The following CRBN variants were observed in gnomAD, a reference collection of about 807,000 sequenced individuals.
CRBN encodes the protein cereblon, also known as protein cereblon.
A neutral mutation model predicts 62.2 loss-of-function variants in CRBN; 53 were observed. That is an observed-to-expected ratio of 0.85 (90% CI 0.68 to 1.07). The LOEUF is 1.07. CRBN is among the 50% of genes least tolerant of loss of function. CRBN has a pLI of 0.00. For synonymous variants in CRBN, 208 were observed against 176.1 expected, an observed-to-expected ratio of 1.18 and a Z score of -1.43; for missense variants, 616 against 531.1, an observed-to-expected ratio of 1.16 and a Z score of -1.57.
chr3:3,156,406 T>G, intron 5 of CRBN, 125 bp from the exon 6 acceptor site: 1 of 801,070 alleles, frequency 1.2e-6, no homozygotes, highest in East Asian at 2.6e-5. Context: ...GATAAAAAAT[T>G]TTGTAGATAA....
intron 2 of CRBN, 54 bp downstream of exon 2, chr3:3,175,109 T>C: frequency 8.3e-7 from 1 of 1,204,876 alleles, no homozygotes; most frequent in Non-Finnish European, 1.2e-6. Flanking sequence ...TATGAACTTT[T>C]ATCTACATTT....
intron 5 of CRBN, among the ~76,000 whole-genome samples, chr3:3,163,135 G>C (rs747848833): frequency 1.2e-4 from 19 of 152,182 alleles, no homozygotes; most frequent in Non-Finnish European, 2.4e-4. Context: ...GTCCAAAATA[G>C]ATCAGCTAGC....
Position 3,153,576 on chromosome 3 carries a change from A to G in CRBN, c.952-88T>C, listed in dbSNP as rs905902110. 19 of 803,638 alleles carry G rather than the reference A, an allele frequency of 2.4e-5. No homozygotes were observed. In the African/African-American group the frequency reaches 2.5e-4, roughly 11 times the overall value. 49.8% of individuals were successfully genotyped at this position (803,638 alleles called of 1,614,324 possible). On this transcript the variant is annotated intron_variant, in intron 8 of 10. Coordinates refer to ENST00000231948, the MANE Select transcript of CRBN (RefSeq NM_016302.4). ...ACATAGATCATCAAGAAACTTACTT[A>G]TAAAGATATTGCTCTCTCTGAATAT... is the stretch of plus-strand genomic sequence containing the variant.
chr3:3,165,732 A>T (rs190470687), intron 5 of CRBN, among the ~76,000 whole-genome samples: 1 of 152,292 alleles, frequency 6.6e-6, no homozygotes, highest in African/African-American at 2.4e-5. Flanking sequence ...TTATTGCAGC[A>T]GTTTGAAACT....
Position 3,162,196 on chromosome 3 carries a change from A to G in CRBN, c.687+5438T>C, listed in dbSNP as rs552224280. Among the ~76,000 whole-genome samples, 19 of 152,114 alleles carry G rather than the reference A, an allele frequency of 1.2e-4. No individual in the cohort carries two copies. The South Asian group carries it at 3.5e-3, about 28-fold the overall frequency. ...GACTTATCTTTACATTTCATACTCA[A>G]CTCTTTTCTGATTAACATAGTAAGC... On this transcript the variant is annotated intron_variant, in intron 5 of 10. Transcript: ENST00000231948.
rs1406867389 is a variant in CRBN at position 3,150,739 on chromosome 3, G to GTAATGTTATGTTTACTTAGGTAT, written c.*103_*125dup. ...TCACTTAGAAACTGCAACCCTCCAAGTAATGTTATGTTTACTTAGGTATTA... is the reference window on the plus strand; with the variant it reads ...TCACTTAGAAACTGCAACCCTCCAAGTAATGTTATGTTTACTTAGGTATTAATGTTATGTTTACTTAGGTATTA... On this transcript the variant is annotated 3_prime_UTR_variant, in exon 11 of 11. Transcript: ENST00000231948. The GTAATGTTATGTTTACTTAGGTAT allele has an allele frequency of 4.8e-5, 45 of 937,664 alleles. No individual in the cohort carries two copies. Among genetic ancestry groups the GTAATGTTATGTTTACTTAGGTAT allele is most frequent in the Non-Finnish European group, 5.6e-5 (35 of 626,674 alleles). The allele number at this position is 937,664 out of a possible 1,614,324, so 58.1% of individuals were successfully genotyped here. A position where few individuals can be genotyped will look rare whatever the true frequency, so the allele number is the denominator to read the frequency against.
At chr3:3,158,372 G>C (rs1194314009) in intron 5 of CRBN, among the ~76,000 whole-genome samples, 2 of 152,144 alleles carry the variant, frequency 1.3e-5, no homozygotes, top group East Asian at 3.9e-4. Context: ...TGGTTCGTGG[G>C]CCAGGATTTG....
intron 4 of CRBN, among the ~76,000 whole-genome samples, chr3:3,169,913 G>C (rs903194496): frequency 6.6e-6 from 1 of 151,750 alleles, no homozygotes; most frequent in Admixed American, 6.6e-5. Context: ...AAATTTCTAT[G>C]TGTTCAGAAG....
At chr3:3,160,199 G>A (rs144980457) in intron 5 of CRBN, among the ~76,000 whole-genome samples, 158 of 152,264 alleles carry the variant, frequency 1.0e-3, no homozygotes, top group African/African-American at 3.7e-3. Flanking sequence ...CAAAACATGT[G>A]AAACTCCATT....
chr3:3,152,341 TTGTC>T, intron 10 of CRBN, 111 bp downstream of exon 10: 3 of 1,168,994 alleles, frequency 2.6e-6, no homozygotes, highest in East Asian at 4.7e-5. Context: ...AATTACTCAT[TTGTC>T]TGTCTACTTT....
At chr3:3,168,531 T>TA (rs1207956276) in intron 4 of CRBN, among the ~76,000 whole-genome samples, 1 of 152,174 alleles carries the variant, frequency 6.6e-6, no homozygotes, top group Admixed American at 6.5e-5. Flanking sequence ...TTCTATCTCT[T>TA]AGAGTGTAGC....
intron 3 of CRBN, 92 bp from the exon 4 acceptor site, chr3:3,173,017 T>C: frequency 1.1e-6 from 1 of 923,624 alleles, no homozygotes; most frequent in Non-Finnish European, 1.8e-6. Flanking sequence ...GGTAAACAAT[T>C]TATAGAATCA....
In CRBN at chr3:3,172,883, C is replaced by G; in HGVS notation, c.420G>C (p.Glu140Asp). The G allele has an allele frequency of 1.2e-6, 2 of 1,613,696 alleles. No individual in the cohort carries two copies. The highest frequency in any genetic ancestry group is 1.7e-6 in the Non-Finnish European group (2 of 1,179,628). ...EREAQFGTTA[E>D]IYAYREEQDF... ...CCTGTTCTTCTCGATAGGCATATAT[C>G]TCTGCTGTTGTTCCAAACTGTGCTT... Residue 140 changes from glutamate (E) to aspartate (D), a missense_variant, in exon 4 of 11, where the codon GAG (glutamate) becomes GAC (aspartate). Transcript: ENST00000231948.
At position 3,151,055 on chromosome 3, in the gene CRBN, T is replaced by C. The variant is rs1706505742; in HGVS notation, c.1149-10A>G. On this transcript the variant is annotated splice_polypyrimidine_tract_variant and intron_variant, in intron 10 of 10. Coordinates refer to ENST00000231948, the MANE Select transcript of CRBN (RefSeq NM_016302.4). ...AACAGTCCAGGCATACCTAAGAAAT[T>C]AAGGAAAGATATCAGCTAAGGAAAC... 3.7e-6 allele frequency: 6 copies of C among 1,613,476 alleles called. No homozygotes were observed. Among genetic ancestry groups the C allele is most frequent in the Non-Finnish European group, 5.1e-6 (6 of 1,179,672 alleles).
Position 3,167,688 on chromosome 3 carries a change from T to G in CRBN, c.633A>C (p.Lys211Asn). ...SLNKCQIFPS[K>N]PVSREDQCSY... ...AACATTGGTCTTCTCTTGAGACAGGTTTTGAAGGAAATATCTGGCACTTAT... is the reference window on the plus strand; with the variant it reads ...AACATTGGTCTTCTCTTGAGACAGGGTTTGAAGGAAATATCTGGCACTTAT... The change falls in exon 5 of 11, where the codon AAA (lysine) becomes AAC (asparagine). Residue 211 changes from lysine to asparagine, a missense_variant. By Grantham distance (94) the Lys-to-Asn change is moderately conservative. Coordinates refer to ENST00000231948, the MANE Select transcript of CRBN (RefSeq NM_016302.4). 1.2e-6 allele frequency: 2 copies of G among 1,613,518 alleles called. No homozygotes were observed. Among genetic ancestry groups the G allele is most frequent in the Non-Finnish European group, 1.7e-6 (2 of 1,179,604 alleles).
chr3:3,154,142 G>GT (rs1706769320), intron 7 of CRBN, 67 bp from the exon 8 acceptor site: 1 of 903,478 alleles, frequency 1.1e-6, no homozygotes, highest in African/African-American at 1.6e-5. Context: ...CTTACAAATC[G>GT]GATAATATCC....
intron 5 of CRBN, among the ~76,000 whole-genome samples, chr3:3,158,455 C>T (rs1707002669): frequency 6.6e-6 from 1 of 152,216 alleles, no homozygotes; most frequent in Admixed American, 6.5e-5. Context: ...CCTGAGGAGT[C>T]AGACCATGAG....
intron 5 of CRBN, among the ~76,000 whole-genome samples, chr3:3,162,184 A>T (rs1240500493): frequency 6.6e-6 from 1 of 152,210 alleles, no homozygotes; most frequent in Non-Finnish European, 1.5e-5. Context: ...TTATCTTTAC[A>T]TTTCATACTC....
chr3:3,157,169 G>A (rs1258576094), intron 5 of CRBN, among the ~76,000 whole-genome samples: 4 of 152,118 alleles, frequency 2.6e-5, no homozygotes, highest in African/African-American at 9.7e-5. Context: ...ATTACTGAAG[G>A]GATGCACTGC....
Sources: gnomAD v4.1 joint callset for allele counts (sites outside exome capture counted in the v4.1 genomes callset) on GRCh38, gnomAD v4.1.1 for gene constraint, MANE v1.5 for transcripts, NCBI Gene and HGNC (gene_info 2026-07-23, HGNC 2026-07-21) for gene names.